Variants in BAZ1A observed in about 807,000 individuals in gnomAD.
BAZ1A encodes bromodomain adjacent to zinc finger domain protein 1A.
A neutral mutation model predicts 185.2 loss-of-function variants in BAZ1A; 50 were observed. That is an observed-to-expected ratio of 0.27 (90% confidence interval 0.22 to 0.34). BAZ1A has a LOEUF of 0.34. BAZ1A is among the 10% of genes least tolerant of loss of function. The probability of loss-of-function intolerance (pLI) is 1.00; values close to 1 mark genes in which losing one functional copy is unlikely to be tolerated. For synonymous variants in BAZ1A, 571 were observed against 615.6 expected (o/e 0.93, Z 1.07); for missense variants, 1,356 against 1,839.9 (o/e 0.74, Z 4.81).
intron 3 of BAZ1A, among the ~76,000 whole-genome samples, chr14:34,850,070 T>G (rs1008624727): frequency 1.3e-5 from 2 of 152,004 alleles, no homozygotes; most frequent in African/African-American, 2.4e-5. Flanking sequence ...AGACATAAGC[T>G]ATCCCTGTGA....
At position 34,826,047 on chromosome 14, in the gene BAZ1A, C is replaced by A; in HGVS notation, c.502G>T (p.Asp168Tyr). The A allele has an allele frequency of 6.3e-7, 1 of 1,595,294 alleles. No homozygotes were observed. Among genetic ancestry groups the A allele is most frequent in the South Asian group, 1.1e-5 (1 of 87,408 alleles). ...AAAGAACAGCTTTGTGTTTCTGAAT[C>A]ATCACTATCACTGATGATAATAGTT... ...GETIIISDSD[D>Y]SETQSCSFQN... The change falls in exon 4 of 27, where the codon GAT becomes TAT. Residue 168 changes from aspartate (D) to tyrosine (Y), a missense_variant. Transcript: ENST00000360310.
intron 26 of BAZ1A, 66 bp downstream of exon 26, chr14:34,754,761 T>C (rs781242070): frequency 6.8e-5 from 76 of 1,125,586 alleles, no homozygotes; most frequent in Non-Finnish European, 9.1e-5. Context: ...CAAAAATAAA[T>C]ATCAAAGATG....
chr14:34,830,856 A>G (rs980324714), intron 3 of BAZ1A, among the ~76,000 whole-genome samples: 4 of 150,904 alleles, frequency 2.7e-5, no homozygotes, highest in African/African-American at 9.8e-5. Flanking sequence ...CCCGGGTTCA[A>G]CTGATTCTCC....
intron 2 of BAZ1A, among the ~76,000 whole-genome samples, chr14:34,873,890 C>A (rs975186079): frequency 2.6e-5 from 4 of 152,188 alleles, no homozygotes; most frequent in Admixed American, 6.5e-5. Context: ...CCCGCGCCCT[C>A]CACCCCTGGC....
chr14:34,823,481 G>C (rs2042117578), intron 4 of BAZ1A, among the ~76,000 whole-genome samples: 1 of 152,022 alleles, frequency 6.6e-6, no homozygotes, highest in African/African-American at 2.4e-5. Flanking sequence ...CCAACCTGGA[G>C]AAACCTCTTC....
chr14:34,837,891 T>C (rs1216544989), intron 3 of BAZ1A, among the ~76,000 whole-genome samples: 1 of 152,184 alleles, frequency 6.6e-6, no homozygotes, highest in Non-Finnish European at 1.5e-5. Flanking sequence ...ACATTAAATA[T>C]GAAAAGCCAC....
chr14:34,765,106 C>T lies in BAZ1A; in HGVS notation c.3464G>A (p.Arg1155Gln), dbSNP rs775527075. 3.1e-6 allele frequency: 5 copies of T among 1,614,152 alleles called. No individual in the cohort carries two copies. Among genetic ancestry groups the T allele is most frequent in the Non-Finnish European group, 4.2e-6 (5 of 1,180,018 alleles). ...CATGTTTTCAGCATCGCCTTTCTTT[C>T]GACATATCTTGCAACGCGCATTCAG... is the stretch of plus-strand genomic sequence containing the variant. ...SILNARCKIC[R>Q]KKGDAENMVL... The change falls in exon 22 of 27, where the codon CGA becomes CAA. Residue 1155 changes from arginine (R) to glutamine (Q), a missense_variant. Arg to Gln is a conservative substitution (Grantham distance 43). Around this residue, in one of 7 missense-constraint regions of BAZ1A, gnomAD observed 309 missense variants for 355.3 expected, o/e 0.87. Transcript: ENST00000360310.
In BAZ1A at chr14:34,762,023, G is replaced by T; in HGVS notation, c.3977C>A (p.Thr1326Lys). Reference sequence around the variant, plus strand: ...ACGACTGGCAATTCTTAAAGATTTTGTTTCTGTAGGAGGAGCAGAGTTTAT... The same window carrying T: ...ACGACTGGCAATTCTTAAAGATTTTTTTTCTGTAGGAGGAGCAGAGTTTAT... ...RKINSAPPTE[T>K]KSLRIASRST... is the part of the protein sequence containing the mutation. Residue 1326 changes from threonine to lysine, a missense_variant, in exon 24 of 27, where the codon ACA becomes AAA. Around this residue, in one of 7 missense-constraint regions of BAZ1A, gnomAD observed 309 missense variants for 355.3 expected, o/e 0.87. Transcript: ENST00000360310. 2 of 1,614,186 alleles carry T rather than the reference G, an allele frequency of 1.2e-6. No homozygotes were observed. The highest frequency in any genetic ancestry group is 1.7e-6 in the Non-Finnish European group (2 of 1,180,032).
chr14:34,783,349 TGTA>T, intron 15 of BAZ1A, 117 bp from the exon 16 acceptor site: 1 of 653,774 alleles, frequency 1.5e-6, no homozygotes, highest in East Asian at 2.8e-5. Context: ...AAAACTATAA[TGTA>T]GTAATCATTC....
chr14:34,783,137 G>T lies in BAZ1A; in HGVS notation c.2093C>A (p.Thr698Lys). ...ACCATACCCAATAGATATATCTGCCGTTGAATTTCTTTGCTCATCTTCTTT... is the reference window on the plus strand; with the variant it reads ...ACCATACCCAATAGATATATCTGCCTTTGAATTTCTTTGCTCATCTTCTTT... The part of the protein sequence containing the change: ...KLKEDEQRNS[T>K]ADISIGEEER... Residue 698 changes from threonine to lysine, a missense_variant, in exon 16 of 27, where the codon ACG becomes AAG. This residue lies in a region of BAZ1A where 434 missense variants were observed against 561.7 expected (regional missense o/e 0.77). Transcript: ENST00000360310. 3.7e-6 allele frequency: 6 copies of T among 1,605,674 alleles called. No homozygotes were observed. The highest frequency in any genetic ancestry group is 1.3e-5 in the African/African-American group (1 of 74,800).
intron 3 of BAZ1A, among the ~76,000 whole-genome samples, chr14:34,856,865 A>G (rs1194358041): frequency 6.6e-6 from 1 of 151,242 alleles, no homozygotes; most frequent in Non-Finnish European, 1.5e-5. Flanking sequence ...GTCTCAAAAA[A>G]AAAAAAAAAA....
chr14:34,799,930 G>A (rs918298193), intron 9 of BAZ1A, among the ~76,000 whole-genome samples: 4 of 151,984 alleles, frequency 2.6e-5, no homozygotes, highest in Non-Finnish European at 4.4e-5. Flanking sequence ...TTCAAACTGC[G>A]TATTTTACCT....
chr14:34,832,888 A>G (rs570525800), intron 3 of BAZ1A, among the ~76,000 whole-genome samples: 30 of 152,352 alleles, frequency 2.0e-4, no homozygotes, highest in Non-Finnish European at 3.8e-4. Flanking sequence ...TATTATTCAC[A>G]ATAGCTAAAA....
intron 4 of BAZ1A, among the ~76,000 whole-genome samples, chr14:34,816,308 T>C (rs374298007): frequency 6.6e-6 from 1 of 151,980 alleles, no homozygotes; most frequent in Non-Finnish European, 1.5e-5. Context: ...AGGATGGGCT[T>C]GATCTCCTGA....
At chr14:34,770,048 G>A (rs1221161296) in intron 21 of BAZ1A, among the ~76,000 whole-genome samples, 5 of 152,058 alleles carry the variant, frequency 3.3e-5, no homozygotes, top group South Asian at 2.1e-4. Flanking sequence ...ATGAGATACT[G>A]GCCACAACTC....
chr14:34,834,221 T>G (rs933243907), intron 3 of BAZ1A, among the ~76,000 whole-genome samples: 1 of 152,182 alleles, frequency 6.6e-6, no homozygotes, highest in African/African-American at 2.4e-5. Context: ...TGGGAAGTAA[T>G]GAAGGAAGCT....
rs528534588 is a variant in BAZ1A at position 34,769,541 on chromosome 14, TTTTC to T, written c.3301+1966_3301+1969del. On this transcript the variant is annotated intron_variant, in intron 21 of 26. Transcript: ENST00000360310. ...TTGTAACAACTCTCAATGTTAACCT[TTTTC>T]TTTGTCTAAATATTTAATAAGTTGT... is the stretch of plus-strand genomic sequence containing the variant. 3.0e-3 allele frequency among the ~76,000 whole-genome samples: 437 copies of T among 147,762 alleles called. 5 individuals are homozygous for T. Among genetic ancestry groups the T allele is most frequent in the Middle Eastern group, 3.5e-3 (1 of 286 alleles).
chr14:34,823,310 C>A (rs1418660855), intron 4 of BAZ1A, among the ~76,000 whole-genome samples: 1 of 151,592 alleles, frequency 6.6e-6, no homozygotes, highest in Non-Finnish European at 1.5e-5. Context: ...GCCGAGACTG[C>A]GCCACTGCAC....
intron 2 of BAZ1A, among the ~76,000 whole-genome samples, chr14:34,864,025 G>C (rs888068320): frequency 6.6e-6 from 1 of 151,838 alleles, no homozygotes; most frequent in Non-Finnish European, 1.5e-5. Context: ...GTCTCACTAT[G>C]TTGCCCAGGA....
Sources: gnomAD v4.1 joint callset for allele counts (sites outside exome capture counted in the v4.1 genomes callset) on GRCh38, gnomAD v4.1.1 for gene constraint, gnomAD v4.1.1 regional missense constraint, MANE v1.5 for transcripts, NCBI Gene and HGNC (gene_info 2026-07-23, HGNC 2026-07-21) for gene names.